Variants in PXDNL observed in about 807,000 individuals in gnomAD.
PXDNL encodes the protein probable oxidoreductase PXDNL.
Under a neutral mutation model 150.8 loss-of-function variants are expected in PXDNL, and 145 were observed. The observed-to-expected ratio is 0.96, with a 90% confidence interval of 0.84 to 1.10. The LOEUF is 1.10. Ranked by LOEUF, PXDNL falls within the 50% of genes least tolerant of loss-of-function variation. The pLI is 0.00. For missense variants in PXDNL, 2,087 were observed against 1,873.9 expected (o/e 1.11, Z -2.10); for synonymous variants, 757 against 725.7 (o/e 1.04, Z -0.69).
At chr8:51,552,310 C>T (rs985596989) in intron 4 of PXDNL, among the ~76,000 whole-genome samples, 1 of 151,590 alleles carries the variant, frequency 6.6e-6, no homozygotes, top group Non-Finnish European at 1.5e-5. Flanking sequence ...ACCATTTGAT[C>T]CAGCAATCCC....
At chr8:51,778,460 C>T (rs1197384955) in intron 1 of PXDNL, among the ~76,000 whole-genome samples, 1 of 152,186 alleles carries the variant, frequency 6.6e-6, no homozygotes, top group Non-Finnish European at 1.5e-5. Context: ...GTAATATCCT[C>T]ATCACTCCTC....
At position 51,780,639 on chromosome 8, in the gene PXDNL, TTTTTC is replaced by T. The variant is rs1251513827; in HGVS notation, c.164+28537_164+28541del. Among the ~76,000 whole-genome samples, 984 of 143,814 alleles carry T rather than the reference TTTTTC, an allele frequency of 6.8e-3. 16 individuals carry two copies. The highest frequency in any genetic ancestry group is 0.024 in the African/African-American group (941 of 38,844). 94.3% of individuals were successfully genotyped at this position (143,814 alleles called of 152,430 possible). A position where few individuals can be genotyped will look rare whatever the true frequency, so the allele number is the denominator to read the frequency against. On this transcript the variant is annotated intron_variant, in intron 1 of 22. Transcript: ENST00000356297. ...GCTCTCTGGGGCCTCTTTCTTTTTC[TTTTTC>T]TTTTCTTTTCTTTTTTTTTTTTTTT...
intron 12 of PXDNL, among the ~76,000 whole-genome samples, chr8:51,431,832 A>G (rs1329086895): frequency 6.6e-6 from 1 of 152,174 alleles, no homozygotes; most frequent in Non-Finnish European, 1.5e-5. Flanking sequence ...TACCGATTTA[A>G]CTTTTTCCCA....
At chr8:51,358,326 C>G (rs1038268497) in intron 19 of PXDNL, among the ~76,000 whole-genome samples, 2 of 152,168 alleles carry the variant, frequency 1.3e-5, no homozygotes, top group Non-Finnish European at 2.9e-5. Context: ...TTTTTACTTA[C>G]GATAATCCTG....
intron 1 of PXDNL, among the ~76,000 whole-genome samples, chr8:51,707,898 C>T (rs547362527): frequency 2.4e-4 from 36 of 152,042 alleles, no homozygotes; most frequent in Middle Eastern, 3.4e-3. Context: ...TGTGTGTGCG[C>T]GTGCATACAT....
chr8:51,707,926 C>T lies in PXDNL; in HGVS notation c.165-53166G>A, dbSNP rs140445569. On this transcript the variant is annotated intron_variant, in intron 1 of 22. Transcript: ENST00000356297. ...GCATACATATATATACATGCACACA[C>T]GCACATACAAATATATATATATAAT... Among the ~76,000 whole-genome samples the T allele has an allele frequency of 2.5e-3, 384 of 152,152 alleles. 1 individual carries two copies. Among genetic ancestry groups the T allele is most frequent in the Non-Finnish European group, 4.3e-3 (290 of 67,996 alleles).
At chr8:51,734,722 T>C (rs1816999366) in intron 1 of PXDNL, among the ~76,000 whole-genome samples, 1 of 152,226 alleles carries the variant, frequency 6.6e-6, no homozygotes, top group Non-Finnish European at 1.5e-5. Context: ...TACTCTGCTC[T>C]TTAAAACCTC....
intron 2 of PXDNL, among the ~76,000 whole-genome samples, chr8:51,597,999 C>T (rs1479792935): frequency 6.6e-6 from 1 of 152,136 alleles, no homozygotes; most frequent in Non-Finnish European, 1.5e-5. Context: ...CAGGCATGAG[C>T]CACTGCGTCT....
intron 13 of PXDNL, among the ~76,000 whole-genome samples, chr8:51,426,263 T>A: frequency 6.6e-6 from 1 of 152,204 alleles, no homozygotes; most frequent in Non-Finnish European, 1.5e-5. Flanking sequence ...TTTCATTCCT[T>A]TCCTGTTTCA....
At chr8:51,377,252 T>C (rs922982381) in intron 17 of PXDNL, among the ~76,000 whole-genome samples, 5 of 100,218 alleles carry the variant, frequency 5.0e-5, no homozygotes, top group Admixed American at 1.3e-4. Context: ...GAGTTTTTCC[T>C]TCTAGGGGAT....
chr8:51,602,698 A>G (rs1416463324), intron 2 of PXDNL, among the ~76,000 whole-genome samples: 2 of 151,570 alleles, frequency 1.3e-5, no homozygotes, highest in Non-Finnish European at 3.0e-5. Context: ...TCATATTTTC[A>G]CTTTGTTTTG....
At chr8:51,351,752 G>A (rs1005868888) in intron 19 of PXDNL, among the ~76,000 whole-genome samples, 1 of 152,160 alleles carries the variant, frequency 6.6e-6, no homozygotes. Flanking sequence ...GGCAGAATCT[G>A]TGTTGGCAGA....
At chr8:51,635,994 A>G (rs1563490450) in intron 2 of PXDNL, among the ~76,000 whole-genome samples, 1 of 152,142 alleles carries the variant, frequency 6.6e-6, no homozygotes, top group Non-Finnish European at 1.5e-5. Flanking sequence ...TAACATAAAC[A>G]TTATTCACCA....
chr8:51,774,208 T>C (rs1450030167), intron 1 of PXDNL, among the ~76,000 whole-genome samples: 1 of 152,232 alleles, frequency 6.6e-6, no homozygotes, highest in South Asian at 2.1e-4. Flanking sequence ...AAACTGTGAT[T>C]TGCATTCTGT....
chr8:51,418,182 C>G (rs1808850892), intron 14 of PXDNL, among the ~76,000 whole-genome samples: 1 of 151,998 alleles, frequency 6.6e-6, no homozygotes, highest in Non-Finnish European at 1.5e-5. Context: ...TGTATGTATA[C>G]TAGGTAGATG....
rs549979619 is a variant in PXDNL, at chr8:51,404,196, G to A, written c.3557+3871C>T. ...AGAGTAAGCAGCAGCAATATTTATCGCAAAGAGCGAAAGAACAAAGCTTCC... is the reference window on the plus strand; with the variant it reads ...AGAGTAAGCAGCAGCAATATTTATCACAAAGAGCGAAAGAACAAAGCTTCC... On this transcript the variant is annotated intron_variant, in intron 17 of 22. Transcript: ENST00000356297. Among the ~76,000 whole-genome samples the A allele has an allele frequency of 1.6e-4, 24 of 152,312 alleles. No homozygotes were observed. The East Asian group carries it at 2.1e-3, about 13-fold the overall frequency.
At chr8:51,557,971 C>T (rs1812631938) in intron 3 of PXDNL, among the ~76,000 whole-genome samples, 1 of 152,076 alleles carries the variant, frequency 6.6e-6, no homozygotes, top group Non-Finnish European at 1.5e-5. Context: ...ATTGTTTTTC[C>T]TCAGCATTAA....
Position 51,781,000 on chromosome 8 carries a change from G to A in PXDNL, c.164+28181C>T, listed in dbSNP as rs193230083. Among the ~76,000 whole-genome samples the A allele has an allele frequency of 1.1e-4, 16 of 152,040 alleles. No individual in the cohort carries two copies. The East Asian group carries it at 2.5e-3, about 24-fold the overall frequency. On this transcript the variant is annotated intron_variant, in intron 1 of 22. Transcript: ENST00000356297. ...ATAGAACACCAACCCCATTCATGAG[G>A]GTTCCACCTTTATGACCTAATGAGA...
chr8:51,533,683 T>C (rs1811967022), intron 4 of PXDNL, among the ~76,000 whole-genome samples: 5 of 150,674 alleles, frequency 3.3e-5, no homozygotes, highest in Admixed American at 1.3e-4. Flanking sequence ...GACGGGGTTT[T>C]GCTGTGTTGG....
Sources: allele counts gnomAD v4.1 joint callset (sites outside exome capture counted in the v4.1 genomes callset), GRCh38; gene constraint gnomAD v4.1.1; transcripts MANE v1.5; gene names NCBI Gene and HGNC (gene_info 2026-07-23, HGNC 2026-07-21).